The following GALNTL6 variants were observed in gnomAD, a reference collection of about 807,000 sequenced individuals.
The protein encoded by GALNTL6 is polypeptide N-acetylgalactosaminyltransferase like 6, also known as polypeptide N-acetylgalactosaminyltransferase-like 6.
GALNTL6 carries 46 observed loss-of-function variants against 73.7 expected under a neutral mutation model. The ratio of observed to expected loss-of-function variants is 0.62; its 90% CI spans 0.49 to 0.80. The LOEUF is 0.80. Ranked by LOEUF, GALNTL6 falls within the 30% of genes least tolerant of loss-of-function variation. The pLI is 0.00. For synonymous variants in GALNTL6, 259 were observed against 263.7 expected (o/e 0.98, Z 0.17); for missense variants, 604 against 755.0 (o/e 0.80, Z 2.34).
At chr4:172,154,227 T>C (rs918018301) in intron 2 of GALNTL6, among the ~76,000 whole-genome samples, 1 of 150,518 alleles carries the variant, frequency 6.6e-6, no homozygotes, top group African/African-American at 2.5e-5. Context: ...GACTTTGTTT[T>C]TTGTTTGTTT....
At chr4:172,993,612 T>C (rs1008070891) in intron 10 of GALNTL6, among the ~76,000 whole-genome samples, 37 of 152,236 alleles carry the variant, frequency 2.4e-4, no homozygotes, top group Admixed American at 2.2e-3. Context: ...CTGATTAGGT[T>C]GTGCATGCAA....
intron 10 of GALNTL6, among the ~76,000 whole-genome samples, chr4:172,992,078 C>A (rs539985906): frequency 2.0e-5 from 3 of 152,244 alleles, no homozygotes; most frequent in Admixed American, 1.3e-4. Flanking sequence ...ACCCAAAAAA[C>A]CAAATTCGTA....
chr4:171,910,622 A>C (rs971188001), intron 2 of GALNTL6, among the ~76,000 whole-genome samples: 1 of 152,246 alleles, frequency 6.6e-6, no homozygotes, highest in Non-Finnish European at 1.5e-5. Context: ...CTGTATAAGT[A>C]TTAACCATCT....
At chr4:173,022,872 A>C (rs1257176740) in intron 12 of GALNTL6, among the ~76,000 whole-genome samples, 1 of 152,234 alleles carries the variant, frequency 6.6e-6, no homozygotes, top group Non-Finnish European at 1.5e-5. Context: ...ACTTTTTAGA[A>C]TACTTTACAA....
At chr4:172,997,681 A>G (rs1008228277) in intron 10 of GALNTL6, among the ~76,000 whole-genome samples, 13 of 152,196 alleles carry the variant, frequency 8.5e-5, no homozygotes, top group Admixed American at 3.3e-4. Context: ...TGGATTAAAG[A>G]GTACAAACAT....
intron 5 of GALNTL6, among the ~76,000 whole-genome samples, chr4:172,738,771 A>G (rs1390282881): frequency 1.3e-5 from 2 of 152,212 alleles, no homozygotes; most frequent in Non-Finnish European, 2.9e-5. Context: ...ACAATGAGCC[A>G]TCTATCAGAT....
At chr4:172,371,501 A>G (rs757273048) in intron 5 of GALNTL6, among the ~76,000 whole-genome samples, 20 of 152,168 alleles carry the variant, frequency 1.3e-4, no homozygotes, top group Non-Finnish European at 2.9e-4. Flanking sequence ...AATAGGGTAC[A>G]CTGTTTTTTC....
intron 2 of GALNTL6, among the ~76,000 whole-genome samples, chr4:172,004,411 G>C (rs1357020841): frequency 6.6e-6 from 1 of 151,910 alleles, no homozygotes; most frequent in African/African-American, 2.4e-5. Flanking sequence ...TTAGTTAATG[G>C]TGGTTTTTTT....
At chr4:172,530,047 A>C (rs1426307032) in intron 5 of GALNTL6, among the ~76,000 whole-genome samples, 1 of 151,662 alleles carries the variant, frequency 6.6e-6, no homozygotes, top group African/African-American at 2.4e-5. Flanking sequence ...TGGCCCCCTA[A>C]TTCATTTTAT....
chr4:172,340,723 C>A lies in GALNTL6; in HGVS notation c.387-7800C>A, dbSNP rs188561823. ...TATTTAGGCTAGGGATAATTTGCCA[C>A]CCTGCTGAGATAAAACCCGTCTAAC... On this transcript the variant is annotated intron_variant, in intron 4 of 12. Transcript: ENST00000506823. Among the ~76,000 whole-genome samples the A allele has an allele frequency of 4.6e-5, 7 of 152,320 alleles. No individual in the cohort carries two copies. The East Asian group carries it at 1.3e-3, about 29-fold the overall frequency.
At chr4:172,723,174 T>C (rs1272915301) in intron 5 of GALNTL6, among the ~76,000 whole-genome samples, 2 of 152,210 alleles carry the variant, frequency 1.3e-5, no homozygotes, top group African/African-American at 4.8e-5. Flanking sequence ...AGGTTGGGAC[T>C]ACCCAGATAA....
intron 2 of GALNTL6, among the ~76,000 whole-genome samples, chr4:171,895,233 A>G (rs1736874089): frequency 6.6e-6 from 1 of 152,170 alleles, no homozygotes; most frequent in African/African-American, 2.4e-5. Context: ...CCATGTTCAG[A>G]AGAGGAGTTA....
At chr4:172,211,581 T>A (rs1243062603) in intron 2 of GALNTL6, among the ~76,000 whole-genome samples, 1 of 152,192 alleles carries the variant, frequency 6.6e-6, no homozygotes, top group African/African-American at 2.4e-5. Flanking sequence ...AGCATCAGAA[T>A]TGTTAAGCCA....
At chr4:172,593,601 A>G (rs988946334) in intron 5 of GALNTL6, among the ~76,000 whole-genome samples, 9 of 152,090 alleles carry the variant, frequency 5.9e-5, no homozygotes. Flanking sequence ...CTCTTAGTGG[A>G]TATTAACCTA....
At chr4:172,859,827 A>T (rs1050368610) in intron 7 of GALNTL6, among the ~76,000 whole-genome samples, 4 of 152,122 alleles carry the variant, frequency 2.6e-5, no homozygotes, top group Non-Finnish European at 4.4e-5. Flanking sequence ...TGAACTGCAC[A>T]TTGAGGGATC....
chr4:172,907,662 C>T (rs577815843), intron 8 of GALNTL6, among the ~76,000 whole-genome samples: 1 of 152,308 alleles, frequency 6.6e-6, no homozygotes, highest in South Asian at 2.1e-4. Context: ...TCGGTTGGAA[C>T]ATGTTTCTGT....
intron 2 of GALNTL6, among the ~76,000 whole-genome samples, chr4:171,868,679 A>ATTGT (rs974743863): frequency 1.5e-4 from 22 of 151,694 alleles, no homozygotes; most frequent in African/African-American, 5.3e-4. Context: ...GTAACTGAAC[A>ATTGT]TTCTTTCTTT....
chr4:172,940,277 A>G (rs1301818553), intron 9 of GALNTL6, among the ~76,000 whole-genome samples: 1 of 151,746 alleles, frequency 6.6e-6, no homozygotes, highest in Non-Finnish European at 1.5e-5. Flanking sequence ...AAAAAACACT[A>G]TGGACTGGTT....
At chr4:172,649,502 C>T (rs1053401496) in intron 5 of GALNTL6, among the ~76,000 whole-genome samples, 1 of 152,064 alleles carries the variant, frequency 6.6e-6, no homozygotes, top group Non-Finnish European at 1.5e-5. Flanking sequence ...CTTAATTATC[C>T]CATGATGATG....
Sources: gnomAD v4.1 joint callset for allele counts (sites outside exome capture counted in the v4.1 genomes callset) on GRCh38, gnomAD v4.1.1 for gene constraint, MANE v1.5 for transcripts, NCBI Gene and HGNC (gene_info 2026-07-23, HGNC 2026-07-21) for gene names.